The following CLIC6 variants were observed in gnomAD, a reference collection of about 807,000 sequenced individuals.
CLIC6 encodes CLIC family member 6.
A neutral mutation model predicts 49.2 loss-of-function variants in CLIC6; 39 were observed. That is an observed-to-expected ratio of 0.79 (90% CI 0.61 to 1.04). The LOEUF is 1.04. Ranked by LOEUF, CLIC6 falls within the 50% of genes least tolerant of loss-of-function variation. The probability of loss-of-function intolerance (pLI) is 0.00; values close to 1 mark genes in which losing one functional copy is unlikely to be tolerated. For missense variants in CLIC6, 988 were observed against 993.1 expected (o/e 0.99, Z 0.07); for synonymous variants, 446 against 433.4 (o/e 1.03, Z -0.36).
chr21:34,677,952 A>T (rs1259330000), intron 1 of CLIC6, among the ~76,000 whole-genome samples: 1 of 152,112 alleles, frequency 6.6e-6, no homozygotes, highest in Non-Finnish European at 1.5e-5. Flanking sequence ...ATAATTCATG[A>T]CTCATGAAAA....
Position 34,709,434 on chromosome 21 carries a change from G to T in CLIC6, c.1795G>T (p.Ala599Ser). The change falls in exon 5 of 6, where the codon GCC becomes TCC. Residue 599 changes from alanine (A) to serine (S), a missense_variant. Physicochemically the swap from Ala to Ser is moderately conservative, Grantham distance 99. Transcript: ENST00000349499. ...LNSPLPDEIDAYSTEDVTVSG... is the reference protein window; with the variant it reads ...LNSPLPDEIDSYSTEDVTVSG... ...TAGCCCTCTGCCTGATGAAATAGAT[G>T]CCTACAGCACCGAGGATGTCACTGT... 6.2e-7 allele frequency: 1 copy of T among 1,613,988 alleles called. No homozygotes were observed. The highest frequency in any genetic ancestry group is 2.2e-5 in the East Asian group (1 of 44,884).
rs538135933 is a variant in CLIC6 at position 34,669,237 on chromosome 21, C to G, written c.-152C>G. 1,617 of 582,906 alleles carry G rather than the reference C, an allele frequency of 2.8e-3. 28 individuals are homozygous for G. The African/African-American group carries it at 0.028, about 10-fold the overall frequency. The allele number at this position is 582,906 out of a possible 1,614,324, so 36.1% of individuals were successfully genotyped here. The stretch of plus-strand genomic sequence containing the variant: ...TGCCCTGCGGGTCCTGCGCAAGGCC[C>G]CAGTGCCCCGGCTAAACCTTTGCCG... On this transcript the variant is annotated 5_prime_UTR_variant, in exon 1 of 6. Coordinates refer to ENST00000349499, the MANE Select transcript of CLIC6 (RefSeq NM_053277.3).
At chr21:34,686,600 G>C (rs147658933) in intron 1 of CLIC6, among the ~76,000 whole-genome samples, 7 of 152,178 alleles carry the variant, frequency 4.6e-5, no homozygotes, top group Admixed American at 4.6e-4. Context: ...TATAGTGGAC[G>C]TGATGCTGGG....
intron 1 of CLIC6, among the ~76,000 whole-genome samples, chr21:34,706,775 G>T (rs1054904088): frequency 6.6e-6 from 1 of 152,170 alleles, no homozygotes; most frequent in Non-Finnish European, 1.5e-5. Context: ...TTGTGGTGTA[G>T]TATCTCAAGG....
intron 1 of CLIC6, among the ~76,000 whole-genome samples, chr21:34,676,161 C>G (rs1383140716): frequency 6.6e-6 from 1 of 152,174 alleles, no homozygotes; most frequent in African/African-American, 2.4e-5. Context: ...ATCTAAAGAC[C>G]CACAGAAAAC....
chr21:34,693,974 TC>T (rs938456435), intron 1 of CLIC6, among the ~76,000 whole-genome samples: 1 of 128,558 alleles, frequency 7.8e-6, no homozygotes, highest in Non-Finnish European at 1.7e-5. Flanking sequence ...GTTGTTGTTT[TC>T]TTTTTTTTTT....
chr21:34,706,357 G>A (rs115493483), intron 1 of CLIC6, among the ~76,000 whole-genome samples: 1 of 152,178 alleles, frequency 6.6e-6, no homozygotes, highest in Non-Finnish European at 1.5e-5. Context: ...AACCATTCAT[G>A]AGAAATCCAC....
intron 2 of CLIC6, 69 bp from the exon 3 acceptor site, chr21:34,707,875 G>A (rs1403987124): frequency 1.5e-5 from 23 of 1,569,834 alleles, no homozygotes; most frequent in South Asian, 1.0e-4. Flanking sequence ...GTGAGGACGC[G>A]GCTAAGCCCT....
Position 34,669,776 on chromosome 21 carries a change from G to C in CLIC6, c.388G>C (p.Glu130Gln). Residue 130 changes from glutamate (E) to glutamine (Q), a missense_variant, in exon 1 of 6, where the codon GAG becomes CAG. This residue lies in a region of CLIC6 where 284 missense variants were observed against 278.6 expected (regional missense o/e 1.02). Coordinates refer to ENST00000349499, the MANE Select transcript of CLIC6 (RefSeq NM_053277.3). ...CCGCGGGGAGGCTCAGAGGGAGCCC[G>C]AGGACTCTGCGGCCCCCGAGAGGCA... is the stretch of plus-strand genomic sequence containing the variant. The part of the protein sequence containing the change: ...EPRGEAQREP[E>Q]DSAAPERQEE... The C allele has an allele frequency of 7.0e-7, 1 of 1,422,910 alleles. No individual in the cohort carries two copies. The highest frequency in any genetic ancestry group is 1.5e-5 in the South Asian group (1 of 68,360). The allele number at this position is 1,422,910 out of a possible 1,614,324, so 88.1% of individuals were successfully genotyped here.
chr21:34,679,761 C>G (rs566819718), intron 1 of CLIC6, among the ~76,000 whole-genome samples: 1 of 152,352 alleles, frequency 6.6e-6, no homozygotes, highest in Non-Finnish European at 1.5e-5. Flanking sequence ...ATTAAACCTT[C>G]AAGTTCCAAA....
At chr21:34,673,548 C>T (rs1287301295) in intron 1 of CLIC6, among the ~76,000 whole-genome samples, 1 of 152,196 alleles carries the variant, frequency 6.6e-6, no homozygotes, top group Middle Eastern at 3.2e-3. Context: ...ACCGTGGCCT[C>T]CCAAAGTGCT....
chr21:34,693,409 C>T (rs1990032064), intron 1 of CLIC6, among the ~76,000 whole-genome samples: 2 of 152,282 alleles, frequency 1.3e-5, no homozygotes, highest in East Asian at 1.9e-4. Context: ...TAAATGAGTG[C>T]ATCTCTTGAC....
At chr21:34,675,711 G>C (rs1440017507) in intron 1 of CLIC6, among the ~76,000 whole-genome samples, 1 of 152,146 alleles carries the variant, frequency 6.6e-6, no homozygotes, top group Admixed American at 6.5e-5. Context: ...CACTCAGTGA[G>C]AGCCCTATCG....
At position 34,671,742 on chromosome 21, in the gene CLIC6, C is replaced by T. The variant is rs141035118; in HGVS notation, c.1374+980C>T. On this transcript the variant is annotated intron_variant, in intron 1 of 5. Transcript: ENST00000349499. ...TTCCAGGCTTATAGAAACCAGTTAC[C>T]ATCTAAATCTCTCTGGCTGAAATGC... Among the ~76,000 whole-genome samples, 17 of 152,256 alleles carry T rather than the reference C, an allele frequency of 1.1e-4. No homozygotes were observed. The East Asian group carries it at 3.3e-3, about 29-fold the overall frequency.
chr21:34,670,471 TG>T lies in CLIC6; in HGVS notation c.1086del (p.Pro363HisfsTer70). ...ADAGEDRVGDGPQQEPGEDEE... is the reference protein window; with the variant it reads ...ADAGEDRVGDXPQQEPGEDEE... ...ACGCTGGCGAGGACAGGGTAGGGGA[TG>T]GGCCACAGCAGGAGCCGGGGGAGGA... On this transcript the variant is annotated frameshift_variant, in exon 1 of 6. Coordinates refer to ENST00000349499, the MANE Select transcript of CLIC6 (RefSeq NM_053277.3). LOFTEE classifies it high-confidence loss of function. 1 of 1,487,430 alleles carries T rather than the reference TG, an allele frequency of 6.7e-7. No individual in the cohort carries two copies. The highest frequency in any genetic ancestry group is 8.9e-7 in the Non-Finnish European group (1 of 1,118,612). 92.1% of individuals were successfully genotyped at this position (1,487,430 alleles called of 1,614,324 possible).
chr21:34,705,639 G>A (rs1306878101), intron 1 of CLIC6, among the ~76,000 whole-genome samples: 2 of 152,174 alleles, frequency 1.3e-5, no homozygotes, highest in Non-Finnish European at 2.9e-5. Context: ...AGAGCTTAGG[G>A]ACTCTGAATT....
At chr21:34,693,089 T>G (rs938727114) in intron 1 of CLIC6, among the ~76,000 whole-genome samples, 3 of 152,144 alleles carry the variant, frequency 2.0e-5, no homozygotes, top group African/African-American at 4.8e-5. Flanking sequence ...TGACCTCAAA[T>G]CAAGATGCAT....
intron 1 of CLIC6, among the ~76,000 whole-genome samples, chr21:34,673,947 A>C (rs1262908072): frequency 6.6e-6 from 1 of 152,152 alleles, no homozygotes; most frequent in Non-Finnish European, 1.5e-5. Flanking sequence ...ATGCGTCTTC[A>C]TGGTGGGTTT....
rs1989521468 is a variant in CLIC6 at position 34,670,187 on chromosome 21, G to T, written c.799G>T (p.Gly267Trp). The change falls in exon 1 of 6, where the codon GGG (glycine) becomes TGG (tryptophan). Residue 267 changes from glycine (G) to tryptophan (W), a missense_variant. By Grantham distance (184) the Gly-to-Trp change is radical. Transcript: ENST00000349499. Reference sequence around the variant, plus strand: ...CGGCGTAGAAGCGGGGGTCCCGGCGGGGGACAGCGTAGAAGCCGAAGGCCC... The same window carrying T: ...CGGCGTAGAAGCGGGGGTCCCGGCGTGGGACAGCGTAGAAGCCGAAGGCCC... ...GDGVEAGVPA[G>W]DSVEAEGPAG... The T allele has an allele frequency of 2.3e-6, 2 of 886,842 alleles. No homozygotes were observed. Among genetic ancestry groups the T allele is most frequent in the Non-Finnish European group, 1.5e-6 (1 of 667,504 alleles). 54.9% of individuals were successfully genotyped at this position (886,842 alleles called of 1,614,324 possible). A position where few individuals can be genotyped will look rare whatever the true frequency, so the allele number is the denominator to read the frequency against.
Sources: gnomAD v4.1 joint callset for allele counts (sites outside exome capture counted in the v4.1 genomes callset) on GRCh38, gnomAD v4.1.1 for gene constraint, gnomAD v4.1.1 regional missense constraint, MANE v1.5 for transcripts, NCBI Gene and HGNC (gene_info 2026-07-23, HGNC 2026-07-21) for gene names.